Variants in SEC61A2 observed in about 807,000 individuals in gnomAD.
The protein encoded by SEC61A2 is SEC61 translocon subunit alpha 2, also known as protein transport protein Sec61 subunit alpha isoform 2.
SEC61A2 carries 28 observed loss-of-function variants against 59.9 expected under a neutral mutation model. The ratio of observed to expected loss-of-function variants is 0.47; its 90% confidence interval spans 0.35 to 0.64. The LOEUF is 0.64. SEC61A2 is among the 30% of genes least tolerant of loss of function. SEC61A2 has a pLI of 0.01. For missense variants in SEC61A2, 340 were observed against 585.9 expected (o/e 0.58, Z 4.33); for synonymous variants, 202 against 214.4 (o/e 0.94, Z 0.50).
Position 12,155,212 on chromosome 10 carries a change from G to A in SEC61A2, c.463-566G>A, listed in dbSNP as rs998974095. ...AGAATGCATTTTTACATTGCTGCTC[G>A]AGTACGTATTTGAGTACATATTTGT... is the stretch of plus-strand genomic sequence containing the variant. On this transcript the variant is annotated intron_variant, in intron 6 of 11. Coordinates refer to ENST00000298428, the MANE Select transcript of SEC61A2 (RefSeq NM_018144.4). This position sits in a 1 kb window ranked among gnomAD's most constrained non-coding sequence, Gnocchi z 4.3. The A allele has an allele frequency of 5.4e-6, 4 of 739,416 alleles. No individual in the cohort carries two copies. Among genetic ancestry groups the A allele is most frequent in the South Asian group, 3.9e-5 (1 of 25,370 alleles). The allele number at this position is 739,416 out of a possible 1,614,324, so 45.8% of individuals were successfully genotyped here.
In SEC61A2 at chr10:12,164,454, A is replaced by T. The variant is rs1371260960; in HGVS notation, c.1431A>T (p.Ter477TyrextTer10). 1.2e-6 allele frequency: 2 copies of T among 1,608,318 alleles called. No homozygotes were observed. The highest frequency in any genetic ancestry group is 1.7e-6 in the Non-Finnish European group (2 of 1,177,378). Reference protein sequence around the residue: ...EVGGMGALFF* With the variant: ...EVGGMGALFFY ...GTGGGATGGGTGCTTTGTTTTTCTA[A>T]ATGTTCAAATATTTCATTTTGTGCG... is the stretch of plus-strand genomic sequence containing the variant. Residue 477 changes from the stop codon to tyrosine, a stop_lost, in exon 12 of 12, where the codon TAA becomes TAT. Coordinates refer to ENST00000298428, the MANE Select transcript of SEC61A2 (RefSeq NM_018144.4). The surrounding 1 kb of genome is among the most constrained non-coding windows in gnomAD (Gnocchi z 7.3).
chr10:12,155,798 T>C lies in SEC61A2; in HGVS notation c.483T>C (p.Ile161=). ...CACAGTTGTTTGTTGCTGGTTTGAT[T>C]GTGCTGCTGTTAGATGAGCTGCTAC... The part of the protein sequence containing the change: ...IIIQLFVAGL[I]VLLLDELLQK... Residue 161 remains isoleucine (I), a synonymous_variant, in exon 7 of 12, where the codon ATT becomes ATC. Coordinates refer to ENST00000298428, the MANE Select transcript of SEC61A2 (RefSeq NM_018144.4). The surrounding 1 kb of genome is among the most constrained non-coding windows in gnomAD (Gnocchi z 4.3). The C allele has an allele frequency of 1.2e-6, 2 of 1,614,258 alleles. No homozygotes were observed. The highest frequency in any genetic ancestry group is 1.7e-6 in the Non-Finnish European group (2 of 1,180,042).
chr10:12,134,769 T>A (rs1833846431), intron 2 of SEC61A2, among the ~76,000 whole-genome samples: 2 of 151,842 alleles, frequency 1.3e-5, no homozygotes, highest in South Asian at 4.2e-4. Context: ...TACAAAAAAA[T>A]TAGCTGGGCG....
chr10:12,144,617 A>G (rs1834098103), intron 4 of SEC61A2, among the ~76,000 whole-genome samples: 1 of 152,122 alleles, frequency 6.6e-6, no homozygotes, highest in Admixed American at 6.6e-5. Flanking sequence ...GGGGTGGGGA[A>G]GGTGCTCTAG....
At chr10:12,132,613 C>CAAA (rs58070623) in intron 1 of SEC61A2, among the ~76,000 whole-genome samples, 2 of 135,214 alleles carry the variant, frequency 1.5e-5, no homozygotes, top group Non-Finnish European at 1.6e-5. Flanking sequence ...GACTCTGTCT[C>CAAA]AAAAAAAAAA....
At position 12,153,075 on chromosome 10, in the gene SEC61A2, A is replaced by T. The variant is rs964617559; in HGVS notation, c.463-2703A>T. ...CTCTGTCTCAAAAAAAAAAAAAAAG[A>T]TTAACTTTGTCTTTGTCTTTATTTG... On this transcript the variant is annotated intron_variant, in intron 6 of 11. Coordinates refer to ENST00000298428, the MANE Select transcript of SEC61A2 (RefSeq NM_018144.4). The surrounding 1 kb of genome is among the most constrained non-coding windows in gnomAD (Gnocchi z 5.2). 6.7e-6 allele frequency among the ~76,000 whole-genome samples: 1 copy of T among 150,206 alleles called. No individual in the cohort carries two copies.
chr10:12,134,299 G>GC (rs1342403984), intron 2 of SEC61A2, among the ~76,000 whole-genome samples: 5 of 152,194 alleles, frequency 3.3e-5, no homozygotes. Flanking sequence ...GAGCCACCGC[G>GC]CCCGGCTAGA....
At chr10:12,168,387 AT>A (rs1834763864), downstream of SEC61A2, among the ~76,000 whole-genome samples, 1 of 152,190 alleles carries the variant, frequency 6.6e-6, no homozygotes, top group Admixed American at 6.5e-5. The surrounding 1 kb of genome is among the most constrained non-coding windows in gnomAD (Gnocchi z 4.8). Flanking sequence ...GCTATACCTC[AT>A]TTATAGCTGG....
At position 12,145,843 on chromosome 10, in the gene SEC61A2, A is replaced by G. The variant is rs1588636159; in HGVS notation, c.220+2648A>G. Among the ~76,000 whole-genome samples, 1 of 152,208 alleles carries G rather than the reference A, an allele frequency of 6.6e-6. No homozygotes were observed. The highest frequency in any genetic ancestry group is 1.9e-4 in the East Asian group (1 of 5,202). ...AATAGGAAATCACTGACTAGCTTAA[A>G]CAGAAACATGATACTTGCTGGAAGG... On this transcript the variant is annotated intron_variant, in intron 4 of 11. Transcript: ENST00000298428. This position sits in a 1 kb window ranked among gnomAD's most constrained non-coding sequence, Gnocchi z 4.4.
chr10:12,129,707 G>A lies in SEC61A2; in HGVS notation c.-81G>A. The A allele has an allele frequency of 2.9e-6, 4 of 1,366,590 alleles. No homozygotes were observed. In the South Asian group the frequency reaches 5.2e-5, roughly 18 times the overall value. 84.7% of individuals were successfully genotyped at this position (1,366,590 alleles called of 1,614,324 possible). On this transcript the variant is annotated 5_prime_UTR_variant, in exon 1 of 12. Coordinates refer to ENST00000298428, the MANE Select transcript of SEC61A2 (RefSeq NM_018144.4). The surrounding 1 kb of genome is among the most constrained non-coding windows in gnomAD (Gnocchi z 5.6). ...GCCGGTAGGATCGCGTCGGGAGCCG[G>A]TACCGAGGCCCGAGCCGCGGGAGTC...
chr10:12,143,991 C>G lies in SEC61A2; in HGVS notation c.220+796C>G, dbSNP rs1834083643. ...GGACTACTGGTGCGTGCCACAATGCCTGGCTAATTTTTGTAGTTTTGTAGA... is the reference window on the plus strand; with the variant it reads ...GGACTACTGGTGCGTGCCACAATGCGTGGCTAATTTTTGTAGTTTTGTAGA... On this transcript the variant is annotated intron_variant, in intron 4 of 11. Coordinates refer to ENST00000298428, the MANE Select transcript of SEC61A2 (RefSeq NM_018144.4). This position sits in a 1 kb window ranked among gnomAD's most constrained non-coding sequence, Gnocchi z 4.8. 6.6e-6 allele frequency among the ~76,000 whole-genome samples: 1 copy of G among 152,116 alleles called. No individual in the cohort carries two copies. The highest frequency in any genetic ancestry group is 1.5e-5 in the Non-Finnish European group (1 of 68,016).
At position 12,155,642 on chromosome 10, in the gene SEC61A2, G is replaced by A. The variant is rs534898170; in HGVS notation, c.463-136G>A. On this transcript the variant is annotated intron_variant, in intron 6 of 11. Coordinates refer to ENST00000298428, the MANE Select transcript of SEC61A2 (RefSeq NM_018144.4). This position sits in a 1 kb window ranked among gnomAD's most constrained non-coding sequence, Gnocchi z 4.3. ...TGAAAGCAGGCCAAAAGATGCAGTT[G>A]GTCATCACAGTGAGATTGCAACGAT... 2 of 986,378 alleles carry A rather than the reference G, an allele frequency of 2.0e-6. No homozygotes were observed. Among genetic ancestry groups the A allele is most frequent in the South Asian group, 3.0e-5 (2 of 66,084 alleles). The allele number at this position is 986,378 out of a possible 1,614,324, so 61.1% of individuals were successfully genotyped here.
At chr10:12,132,283 A>G (rs372215842) in intron 1 of SEC61A2, among the ~76,000 whole-genome samples, 118 of 151,234 alleles carry the variant, frequency 7.8e-4, no homozygotes, top group African/African-American at 2.8e-3. Flanking sequence ...CCTGGACCAC[A>G]GAGGGAGAAT....
downstream of SEC61A2, among the ~76,000 whole-genome samples, chr10:12,168,349 G>A (rs1834761995): frequency 6.6e-6 from 1 of 152,136 alleles, no homozygotes; most frequent in Non-Finnish European, 1.5e-5. This position sits in a 1 kb window ranked among gnomAD's most constrained non-coding sequence, Gnocchi z 4.8. Context: ...TGTGAAAACA[G>A]CAAAGTTGGA....
Position 12,143,221 on chromosome 10 carries a change from A to G in SEC61A2, c.220+26A>G. ...GTATGCGTGTCTTTTCTGTCTCCAC[A>G]CTCCTACTCACAGCAAACAGATGGA... is the stretch of plus-strand genomic sequence containing the variant. On this transcript the variant is annotated intron_variant, in intron 4 of 11. Transcript: ENST00000298428. The surrounding 1 kb of genome is among the most constrained non-coding windows in gnomAD (Gnocchi z 4.8). 1 of 1,454,916 alleles carries G rather than the reference A, an allele frequency of 6.9e-7. No individual in the cohort carries two copies. The allele number at this position is 1,454,916 out of a possible 1,614,324, so 90.1% of individuals were successfully genotyped here.
chr10:12,153,532 A>G lies in SEC61A2; in HGVS notation c.463-2246A>G, dbSNP rs1272859402. The stretch of plus-strand genomic sequence containing the variant: ...AATTGATATAAAATAGAGTTAAGCT[A>G]TTTTGCTGTTCATTTTCAGTATTCA... On this transcript the variant is annotated intron_variant, in intron 6 of 11. Transcript: ENST00000298428. The surrounding 1 kb of genome is among the most constrained non-coding windows in gnomAD (Gnocchi z 5.2). Among the ~76,000 whole-genome samples the G allele has an allele frequency of 6.6e-6, 1 of 152,192 alleles. No individual in the cohort carries two copies. The highest frequency in any genetic ancestry group is 2.4e-5 in the African/African-American group (1 of 41,448).
downstream of SEC61A2, chr10:12,167,558 C>G: frequency 1.4e-6 from 1 of 704,686 alleles, no homozygotes. Context: ...AATTACAATT[C>G]CATACCACCA....
rs1431822621 is a variant in SEC61A2 at position 12,153,404 on chromosome 10, A to G, written c.463-2374A>G. 1.3e-5 allele frequency among the ~76,000 whole-genome samples: 2 copies of G among 152,206 alleles called. No homozygotes were observed. Among genetic ancestry groups the G allele is most frequent in the Non-Finnish European group, 2.9e-5 (2 of 68,038 alleles). ...TATACATCAAGAAAAGCTCTCTAGT[A>G]TCTTACTTAAGGATCTATTCAGATT... On this transcript the variant is annotated intron_variant, in intron 6 of 11. Transcript: ENST00000298428. This position sits in a 1 kb window ranked among gnomAD's most constrained non-coding sequence, Gnocchi z 5.2.
intron 1 of SEC61A2, among the ~76,000 whole-genome samples, chr10:12,131,716 G>T (rs1234523113): frequency 1.1e-5 from 1 of 88,584 alleles, no homozygotes; most frequent in Non-Finnish European, 2.3e-5. Flanking sequence ...TTTTTGAGAC[G>T]GTCTCTCTCT....
Sources: allele counts gnomAD v4.1 joint callset (sites outside exome capture counted in the v4.1 genomes callset), GRCh38; gene constraint gnomAD v4.1.1; non-coding constraint Gnocchi (gnomAD v3.1); transcripts MANE v1.5; gene names NCBI Gene and HGNC (gene_info 2026-07-23, HGNC 2026-07-21).